The following CD99 variants were observed in gnomAD, a reference collection of about 807,000 sequenced individuals.
The protein encoded by CD99 is CD99 antigen.
A neutral mutation model predicts 28.4 loss-of-function variants in CD99; 19 were observed. That is an observed-to-expected ratio of 0.67 (90% CI 0.47 to 0.98). CD99 has a LOEUF of 0.98. CD99 is among the 50% of genes least tolerant of loss of function. The pLI is 0.00. For synonymous variants in CD99, 103 were observed against 92.1 expected (o/e 1.12, Z -0.67); for missense variants, 283 against 248.8 (o/e 1.14, Z -0.92).
intron 8 of CD99, among the ~76,000 whole-genome samples, chrX:2,727,752 C>T (rs1177381861): frequency 6.6e-6 from 1 of 152,184 alleles, no homozygotes; most frequent in African/African-American, 2.4e-5. Flanking sequence ...CTTGGGATTA[C>T]AGGCGTGAGG....
intron 1 of CD99, among the ~76,000 whole-genome samples, chrX:2,696,265 C>T (rs1044798188): frequency 2.6e-5 from 4 of 151,954 alleles, no homozygotes; most frequent in African/African-American, 9.7e-5. Context: ...TTTCTGCTGT[C>T]TTCCGTGCTT....
At chrX:2,739,091 C>T (rs1428798797) in intron 9 of CD99, among the ~76,000 whole-genome samples, 1 of 152,006 alleles carries the variant, frequency 6.6e-6, no homozygotes, top group African/African-American at 2.4e-5. Context: ...CTATGTTGCC[C>T]ATCCTGAGCT....
intron 1 of CD99, among the ~76,000 whole-genome samples, chrX:2,713,102 C>T (rs1003197112): frequency 3.4e-5 from 5 of 148,136 alleles, no homozygotes; most frequent in African/African-American, 1.3e-4. Context: ...ACATGAAAAA[C>T]ACATATACAC....
intron 1 of CD99, among the ~76,000 whole-genome samples, chrX:2,694,982 A>G (rs2047505532): frequency 6.6e-6 from 1 of 152,170 alleles, no homozygotes; most frequent in Non-Finnish European, 1.5e-5. Flanking sequence ...TTTAGGAATC[A>G]TGGCGGGATT....
intron 8 of CD99, among the ~76,000 whole-genome samples, chrX:2,730,796 G>A (rs1331049849): frequency 6.6e-6 from 1 of 151,986 alleles, no homozygotes; most frequent in Non-Finnish European, 1.5e-5. Context: ...GTGCGTGATG[G>A]TGGGCACCTG....
At chrX:2,729,668 A>T (rs1370371825) in intron 8 of CD99, among the ~76,000 whole-genome samples, 1 of 152,136 alleles carries the variant, frequency 6.6e-6, no homozygotes, top group Non-Finnish European at 1.5e-5. Context: ...AATAGACTTG[A>T]TTTTGTCAAA....
intron 1 of CD99, among the ~76,000 whole-genome samples, chrX:2,700,784 AC>A (rs2047816617): frequency 6.7e-6 from 1 of 149,340 alleles, no homozygotes; most frequent in Non-Finnish European, 1.5e-5. Flanking sequence ...TTACCCATCT[AC>A]CATCCATCCA....
chrX:2,701,230 T>C (rs1399619972), intron 1 of CD99, among the ~76,000 whole-genome samples: 1 of 151,558 alleles, frequency 6.6e-6, no homozygotes, highest in South Asian at 2.1e-4. Flanking sequence ...CATCCATCCA[T>C]CCACCCACCC....
intron 1 of CD99, among the ~76,000 whole-genome samples, chrX:2,698,156 T>A (rs1000866025): frequency 6.6e-6 from 1 of 151,372 alleles, no homozygotes; most frequent in East Asian, 1.9e-4. Flanking sequence ...CACCGGGCAG[T>A]GGCTTGCAAT....
rs200207762 is a variant in CD99 at position 2,722,613 on chromosome X, A to G, written c.263-14A>G. ...GTTCCAGGTTGACAGGTGATGCTGT[A>G]TTTTCTTTCCTAGGTAGCTTTTCAG... is the stretch of plus-strand genomic sequence containing the variant. On this transcript the variant is annotated splice_polypyrimidine_tract_variant and intron_variant, in intron 5 of 9. Transcript: ENST00000381192. The G allele has an allele frequency of 4.7e-5, 76 of 1,613,734 alleles. No homozygotes were observed. The East Asian group carries it at 1.4e-3, about 29-fold the overall frequency.
intron 8 of CD99, among the ~76,000 whole-genome samples, chrX:2,736,847 A>G (rs1380034385): frequency 6.6e-6 from 1 of 151,556 alleles, no homozygotes; most frequent in African/African-American, 2.4e-5. Context: ...ACAGAGCGAG[A>G]CTCTGTCTCA....
chrX:2,735,057 T>A lies in CD99; in HGVS notation c.476-3143T>A, dbSNP rs748285934. ...GATGTGTCCCAAGGTGTCTCAAGTC[T>A]GATGCAATGAAAGCTGCCCCCCATT... is the stretch of plus-strand genomic sequence containing the variant. On this transcript the variant is annotated intron_variant, in intron 8 of 9. Transcript: ENST00000381192. Among the ~76,000 whole-genome samples the A allele has an allele frequency of 3.9e-5, 6 of 152,224 alleles. No individual in the cohort carries two copies. In the East Asian group the frequency reaches 1.2e-3, roughly 29 times the overall value.
intron 1 of CD99, among the ~76,000 whole-genome samples, chrX:2,701,651 T>C (rs1438980615): frequency 1.3e-5 from 2 of 152,210 alleles, no homozygotes; most frequent in African/African-American, 4.8e-5. Context: ...CATCTCAGAC[T>C]AGAGGAGCTG....
At chrX:2,731,446 C>T (rs1208344588) in intron 8 of CD99, among the ~76,000 whole-genome samples, 4 of 152,120 alleles carry the variant, frequency 2.6e-5, no homozygotes, top group African/African-American at 4.8e-5. Flanking sequence ...AAAAATTAGC[C>T]AGGCATGGTG....
At chrX:2,708,258 G>A (rs1216190977) in intron 1 of CD99, among the ~76,000 whole-genome samples, 1 of 152,074 alleles carries the variant, frequency 6.6e-6, no homozygotes, top group Non-Finnish European at 1.5e-5. Context: ...ATTCCACCAG[G>A]GAGTGAACGT....
chrX:2,738,212 A>T lies in CD99; in HGVS notation c.488A>T (p.Glu163Val). ...TTCTTCTTTTCAGCAGAACAAGGGG[A>T]GGTGGACATGGAGAGCCACCGGAAT... ...LCFKENAEQG[E>V]VDMESHRNAN... is the part of the protein sequence containing the mutation. The change falls in exon 9 of 10, where the codon GAG (glutamate) becomes GTG (valine). Residue 163 changes from glutamate to valine, a missense_variant. By Grantham distance (121) the Glu-to-Val change is moderately radical. Transcript: ENST00000381192. 6.2e-7 allele frequency: 1 copy of T among 1,613,818 alleles called. No individual in the cohort carries two copies. The highest frequency in any genetic ancestry group is 8.5e-7 in the Non-Finnish European group (1 of 1,179,786).
intron 1 of CD99, among the ~76,000 whole-genome samples, chrX:2,697,161 G>A (rs983293895): frequency 3.3e-5 from 5 of 152,126 alleles, no homozygotes; most frequent in African/African-American, 9.7e-5. Flanking sequence ...TGTCCCGGTG[G>A]GCTGGGCTGA....
At chrX:2,723,098 C>T (rs2049080462) in intron 6 of CD99, among the ~76,000 whole-genome samples, 2 of 152,188 alleles carry the variant, frequency 1.3e-5, no homozygotes, top group African/African-American at 4.8e-5. Context: ...TATGCGTTCT[C>T]AGAGTACCCC....
chrX:2,730,022 C>T (rs1353476383), intron 8 of CD99, among the ~76,000 whole-genome samples: 3 of 152,088 alleles, frequency 2.0e-5, no homozygotes, highest in Non-Finnish European at 4.4e-5. Flanking sequence ...GGCGTGCTTG[C>T]GCCTGCCTGT....
Sources: allele counts gnomAD v4.1 joint callset (sites outside exome capture counted in the v4.1 genomes callset), GRCh38; gene constraint gnomAD v4.1.1; transcripts MANE v1.5; gene names NCBI Gene and HGNC (gene_info 2026-07-23, HGNC 2026-07-21).